Variants in BAZ1B observed in about 807,000 individuals in gnomAD.
BAZ1B encodes tyrosine-protein kinase BAZ1B.
Under a neutral mutation model 153.8 loss-of-function variants are expected in BAZ1B, and 22 were observed. The ratio of observed to expected loss-of-function variants is 0.14; its 90% CI spans 0.10 to 0.20. The LOEUF is 0.20. Ranked by LOEUF, BAZ1B falls within the 10% of genes least tolerant of loss-of-function variation. The pLI, the probability that BAZ1B is intolerant of heterozygous loss-of-function variation, is 1.00. For synonymous variants in BAZ1B, 676 were observed against 633.4 expected (o/e 1.07, Z -1.01); for missense variants, 1,325 against 1,799.3 (o/e 0.74, Z 4.77).
intron 11 of BAZ1B, chr7:73,464,224 G>C (rs1449136539): frequency 1.1e-6 from 1 of 937,462 alleles, no homozygotes; most frequent in African/African-American, 1.8e-5. Context: ...ATTGAGCACA[G>C]AGTCAGCAAT....
chr7:73,520,747 G>A (rs961277726), intron 1 of BAZ1B, among the ~76,000 whole-genome samples: 1 of 152,160 alleles, frequency 6.6e-6, no homozygotes, highest in Non-Finnish European at 1.5e-5. Context: ...AGGGAGAAAT[G>A]AAATAACTCT....
At position 73,484,292 on chromosome 7, in the gene BAZ1B, A is replaced by AAGAT. The variant is rs142355745; in HGVS notation, c.891+4898_891+4901dup. Reference sequence around the variant, plus strand: ...GAAGGAAGGGAGGGACGGAGGGAGGAAGATAGATAGATAGATAGATAGACA... The same window carrying AAGAT: ...GAAGGAAGGGAGGGACGGAGGGAGGAAGATAGATAGATAGATAGATAGATAGACA... On this transcript the variant is annotated intron_variant, in intron 6 of 19. Transcript: ENST00000339594. Among the ~76,000 whole-genome samples the AAGAT allele has an allele frequency of 3.2e-3, 486 of 150,824 alleles. 1 individual carries two copies. Among genetic ancestry groups the AAGAT allele is most frequent in the South Asian group, 0.015 (73 of 4,778 alleles).
intron 4 of BAZ1B, among the ~76,000 whole-genome samples, chr7:73,497,100 G>A (rs530308061): frequency 1.1e-3 from 138 of 129,018 alleles, no homozygotes; most frequent in Middle Eastern, 4.0e-3. Context: ...AAAATTAGCT[G>A]GGTGTGGTGG....
chr7:73,502,334 G>A (rs980089728), intron 3 of BAZ1B, among the ~76,000 whole-genome samples: 5 of 151,986 alleles, frequency 3.3e-5, no homozygotes, highest in Non-Finnish European at 7.4e-5. Context: ...TTTGTGGCAC[G>A]CTTCCAATGT....
At chr7:73,468,937 T>G (rs762911237) in intron 9 of BAZ1B, among the ~76,000 whole-genome samples, 2 of 151,930 alleles carry the variant, frequency 1.3e-5, no homozygotes, top group African/African-American at 4.8e-5. Flanking sequence ...TGAGACCAGC[T>G]TGGCCAACAT....
At chr7:73,516,885 T>A in intron 1 of BAZ1B, among the ~76,000 whole-genome samples, 1 of 148,544 alleles carries the variant, frequency 6.7e-6, no homozygotes, top group Non-Finnish European at 1.5e-5. Context: ...GGTAATTATA[T>A]TAAGAGAAAG....
chr7:73,469,431 G>A (rs1788712935), intron 9 of BAZ1B, 86 bp downstream of exon 9: 2 of 1,514,872 alleles, frequency 1.3e-6, no homozygotes, highest in African/African-American at 1.4e-5. Flanking sequence ...TCTGCAAATG[G>A]AAAACGTGAC....
rs1554565213 is a variant in BAZ1B at position 73,442,284 on chromosome 7, T to C, written c.4364A>G (p.Lys1455Arg). ...TTCAGCAAGCCTATCAGGAAACTTC[T>C]TGCGCTTCCTGCGGACATATGGGTG... is the stretch of plus-strand genomic sequence containing the variant. ...PGHPYVRRKR[K>R]KFPDRLAEDE... Residue 1455 changes from lysine (K) to arginine (R), a missense_variant, in exon 19 of 20, where the codon AAG (lysine) becomes AGG (arginine). Transcript: ENST00000339594. 6.2e-7 allele frequency: 1 copy of C among 1,614,174 alleles called. No individual in the cohort carries two copies. The highest frequency in any genetic ancestry group is 2.2e-5 in the East Asian group (1 of 44,882).
chr7:73,520,002 GT>G (rs1554579870), intron 1 of BAZ1B, among the ~76,000 whole-genome samples: 1 of 152,162 alleles, frequency 6.6e-6, no homozygotes, highest in African/African-American at 2.4e-5. Flanking sequence ...GAGGTCAGGA[GT>G]TTGAGACCAG....
intron 1 of BAZ1B, 55 bp downstream of exon 1, chr7:73,521,772 G>A (rs1583969507): frequency 2.8e-6 from 4 of 1,423,244 alleles, no homozygotes; most frequent in Non-Finnish European, 3.8e-6. Flanking sequence ...CGAGCCCCAG[G>A]CCCTACCCCG....
rs552260875 is a variant in BAZ1B, at chr7:73,456,070, T to C, written c.3432+3466A>G. Among the ~76,000 whole-genome samples, 4 of 152,248 alleles carry C rather than the reference T, an allele frequency of 2.6e-5. No individual in the cohort carries two copies. The East Asian group carries it at 5.8e-4, about 22-fold the overall frequency. On this transcript the variant is annotated intron_variant, in intron 13 of 19. Coordinates refer to ENST00000339594, the MANE Select transcript of BAZ1B (RefSeq NM_032408.4). Reference sequence around the variant, plus strand: ...ACTTACAATAATAAAGCATGCTACATTTAAAAATAAAAAGTGAGGAAACTG... The same window carrying C: ...ACTTACAATAATAAAGCATGCTACACTTAAAAATAAAAAGTGAGGAAACTG...
chr7:73,446,517 C>T (rs1787841023), intron 16 of BAZ1B, among the ~76,000 whole-genome samples: 1 of 142,318 alleles, frequency 7.0e-6, no homozygotes, highest in Non-Finnish European at 1.5e-5. Context: ...TACCACTGCA[C>T]TCCAGCCCAG....
intron 12 of BAZ1B, among the ~76,000 whole-genome samples, 199 bp from the exon 13 acceptor site, chr7:73,459,917 G>A (rs982287439): frequency 6.6e-6 from 1 of 152,080 alleles, no homozygotes; most frequent in South Asian, 2.1e-4. Context: ...TTGACTGGCC[G>A]GGTGCAGTGG....
chr7:73,497,085 C>CAAAAAAAAAAAAAAAAAAA (rs1789939143), intron 4 of BAZ1B, among the ~76,000 whole-genome samples: 2 of 106,404 alleles, frequency 1.9e-5, no homozygotes, highest in African/African-American at 8.4e-5. Context: ...AAAAAAAAAC[C>CAAAAAAAAAAAAAAAAAAA]TACAAAAATT....
At chr7:73,506,857 A>G (rs1464513926) in intron 3 of BAZ1B, among the ~76,000 whole-genome samples, 1 of 142,058 alleles carries the variant, frequency 7.0e-6, no homozygotes, top group African/African-American at 2.6e-5. Context: ...ACCTCAAAGA[A>G]AAAAAAAAAA....
chr7:73,463,325 C>T (rs1216405981), intron 11 of BAZ1B, among the ~76,000 whole-genome samples: 1 of 148,828 alleles, frequency 6.7e-6, no homozygotes, highest in Non-Finnish European at 1.5e-5. Flanking sequence ...GCTCACTGCA[C>T]CTTCAAACTT....
chr7:73,484,916 T>C (rs1789346289), intron 6 of BAZ1B, among the ~76,000 whole-genome samples: 1 of 152,184 alleles, frequency 6.6e-6, no homozygotes, highest in African/African-American at 2.4e-5. Context: ...AATGTGAACA[T>C]GTGACACATG....
intron 1 of BAZ1B, 42 bp from the exon 2 acceptor site, chr7:73,510,894 G>C (rs782494998): frequency 1.3e-6 from 2 of 1,524,884 alleles, no homozygotes; most frequent in South Asian, 1.1e-5. Context: ...AAGCAACAGA[G>C]ACGACAAACC....
At chr7:73,514,771 G>T (rs1034450375) in intron 1 of BAZ1B, among the ~76,000 whole-genome samples, 1 of 151,952 alleles carries the variant, frequency 6.6e-6, no homozygotes, top group Non-Finnish European at 1.5e-5. Context: ...GAGAGCAACA[G>T]AGGGAGACTG....
Sources: gnomAD v4.1 joint callset for allele counts (sites outside exome capture counted in the v4.1 genomes callset) on GRCh38, gnomAD v4.1.1 for gene constraint, MANE v1.5 for transcripts, NCBI Gene and HGNC (gene_info 2026-07-23, HGNC 2026-07-21) for gene names.